Variants in TMOD2 observed in about 807,000 individuals in gnomAD.
TMOD2 encodes the protein tropomodulin-2.
Under a neutral mutation model 39.9 loss-of-function variants are expected in TMOD2, and 22 were observed. The ratio of observed to expected loss-of-function variants is 0.55; its 90% CI spans 0.39 to 0.79. The LOEUF (loss-of-function observed/expected upper bound fraction) is 0.79, where lower values mean the gene tolerates loss of function less well. Among genes scored for constraint, TMOD2 ranks in the 30% least tolerant of loss-of-function variants. The pLI is 0.00. For synonymous variants in TMOD2, 123 were observed against 146.1 expected (o/e 0.84, Z 1.14); for missense variants, 386 against 413.3 (o/e 0.93, Z 0.57).
Position 51,806,103 on chromosome 15 carries a change from T to G in TMOD2, c.877-274T>G, listed in dbSNP as rs139905589. Among the ~76,000 whole-genome samples, 720 of 152,382 alleles carry G rather than the reference T, an allele frequency of 4.7e-3. 9 individuals are homozygous for G. The highest frequency in any genetic ancestry group is 0.017 in the African/African-American group (689 of 41,586). On this transcript the variant is annotated intron_variant, in intron 8 of 9. Transcript: ENST00000249700. ...TTTTGCTTTCATTTTAATTCTGGAA[T>G]TATCCTTTCCTTCATAAACAATTTG...
At chr15:51,799,199 G>A (rs1337791163) in intron 8 of TMOD2, among the ~76,000 whole-genome samples, 1 of 152,184 alleles carries the variant, frequency 6.6e-6, no homozygotes, top group African/African-American at 2.4e-5. Flanking sequence ...GAAAAGAAAG[G>A]GCCTTGGAAA....
chr15:51,755,369 A>C (rs2055734898), intron 1 of TMOD2, among the ~76,000 whole-genome samples: 1 of 152,200 alleles, frequency 6.6e-6, no homozygotes, highest in Non-Finnish European at 1.5e-5. Flanking sequence ...CTGTTTTGGC[A>C]TCAAGGCTGC....
intron 5 of TMOD2, 107 bp downstream of exon 5, chr15:51,777,125 C>G (rs2055895187): frequency 1.1e-6 from 1 of 913,396 alleles, no homozygotes; most frequent in Non-Finnish European, 1.7e-6. Context: ...TGTCATTTTG[C>G]TAGGATCACT....
chr15:51,789,716 T>C (rs1248067065), intron 7 of TMOD2, among the ~76,000 whole-genome samples: 5 of 152,134 alleles, frequency 3.3e-5, no homozygotes, highest in Non-Finnish European at 7.4e-5. Flanking sequence ...CACTCAAAAC[T>C]GCACAACTAC....
intron 7 of TMOD2, among the ~76,000 whole-genome samples, chr15:51,790,663 A>C (rs1031512192): frequency 3.9e-5 from 6 of 152,220 alleles, no homozygotes; most frequent in Non-Finnish European, 7.3e-5. Context: ...ACTATGATCA[A>C]GTCGCCTTCA....
rs758043038 is a variant in TMOD2, at chr15:51,816,269, G to A, written c.*7815G>A. ...AATTAATTAAGATCTTTCTGCTTTC[G>A]AAGGTATAATGTATCTATTTCTGTC... On this transcript the variant is annotated 3_prime_UTR_variant, in exon 10 of 10. Coordinates refer to ENST00000249700, the MANE Select transcript of TMOD2 (RefSeq NM_014548.4). 2.0e-5 allele frequency: 3 copies of A among 152,168 alleles called. No individual in the cohort carries two copies. Among genetic ancestry groups the A allele is most frequent in the South Asian group, 2.1e-4 (1 of 4,832 alleles). The allele number at this position is 152,168 out of a possible 1,614,324, so 9.4% of individuals were successfully genotyped here.
intron 4 of TMOD2, among the ~76,000 whole-genome samples, chr15:51,776,117 C>A (rs536307387): frequency 1.5e-4 from 23 of 152,292 alleles, no homozygotes; most frequent in African/African-American, 5.5e-4. Context: ...TAGCTCTGAC[C>A]ATTTGCCCTT....
At chr15:51,759,461 G>A (rs564344176) in intron 1 of TMOD2, among the ~76,000 whole-genome samples, 1 of 152,284 alleles carries the variant, frequency 6.6e-6, no homozygotes, top group South Asian at 2.1e-4. Context: ...TATGTAGTAT[G>A]GAAATAGAAG....
At chr15:51,795,606 C>CTTTCTTTCT (rs1567245587) in intron 7 of TMOD2, among the ~76,000 whole-genome samples, 3 of 126,144 alleles carry the variant, frequency 2.4e-5, no homozygotes, top group African/African-American at 9.1e-5. Context: ...TTCTTTCTTT[C>CTTTCTTTCT]TTTCTTTCTT....
Position 51,811,017 on chromosome 15 carries a change from C to T in TMOD2, c.*2563C>T, listed in dbSNP as rs1322984748. Reference sequence around the variant, plus strand: ...TTTACCTTATGAAATAGTTGGGTTGCATGCAACAGAGTCTATGAAATCAAA... The same window carrying T: ...TTTACCTTATGAAATAGTTGGGTTGTATGCAACAGAGTCTATGAAATCAAA... On this transcript the variant is annotated 3_prime_UTR_variant, in exon 10 of 10. Transcript: ENST00000249700. 3 of 152,176 alleles carry T rather than the reference C, an allele frequency of 2.0e-5. No individual in the cohort carries two copies. The highest frequency in any genetic ancestry group is 7.2e-5 in the African/African-American group (3 of 41,450). The allele number at this position is 152,176 out of a possible 1,614,324, so 9.4% of individuals were successfully genotyped here.
intron 1 of TMOD2, among the ~76,000 whole-genome samples, chr15:51,757,271 G>A (rs1230202717): frequency 2.0e-5 from 3 of 151,768 alleles, no homozygotes; most frequent in Admixed American, 6.6e-5. Context: ...GCGTGGTGGC[G>A]GGCACCTGTA....
At chr15:51,763,544 A>G (rs1196133620) in intron 1 of TMOD2, among the ~76,000 whole-genome samples, 2 of 152,236 alleles carry the variant, frequency 1.3e-5, no homozygotes, top group Non-Finnish European at 2.9e-5. Context: ...AACTAAAACT[A>G]AAAGCCATTG....
chr15:51,806,244 C>A, intron 8 of TMOD2, 133 bp from the exon 9 acceptor site: 1 of 942,480 alleles, frequency 1.1e-6, no homozygotes, highest in Non-Finnish European at 1.6e-6. Flanking sequence ...TCAAGTGACG[C>A]TGTCCCTTTC....
intron 1 of TMOD2, among the ~76,000 whole-genome samples, chr15:51,764,311 T>TGGA (rs1237674723): frequency 2.4e-4 from 37 of 152,272 alleles, no homozygotes; most frequent in African/African-American, 8.9e-4. Context: ...AGGGAGACCC[T>TGGA]ATCTCTAAAT....
At chr15:51,804,554 C>CGTTTT (rs1203836873) in intron 8 of TMOD2, among the ~76,000 whole-genome samples, 68 of 150,484 alleles carry the variant, frequency 4.5e-4, no homozygotes, top group Admixed American at 1.4e-3. Context: ...CAAGCCTGTA[C>CGTTTT]GTTTTGTTTT....
At chr15:51,807,932 A>T (rs1448730711) in intron 9 of TMOD2, among the ~76,000 whole-genome samples, 2 of 152,186 alleles carry the variant, frequency 1.3e-5, no homozygotes, top group East Asian at 3.8e-4. Flanking sequence ...TTGCCAAGTG[A>T]ATCACACCTT....
At chr15:51,772,502 A>G (rs1010858921) in intron 3 of TMOD2, among the ~76,000 whole-genome samples, 1 of 152,164 alleles carries the variant, frequency 6.6e-6, no homozygotes, top group Non-Finnish European at 1.5e-5. Flanking sequence ...TCATCAGTCC[A>G]GAAGTTTGAG....
chr15:51,763,900 T>A (rs1474649148), intron 1 of TMOD2, among the ~76,000 whole-genome samples: 1 of 152,188 alleles, frequency 6.6e-6, no homozygotes, highest in African/African-American at 2.4e-5. Context: ...TAGAATCCAT[T>A]AAGTAGGGTG....
At chr15:51,768,241 C>T in intron 2 of TMOD2, 21 bp from the exon 3 acceptor site, 1 of 1,613,912 alleles carries the variant, frequency 6.2e-7, no homozygotes, top group South Asian at 1.1e-5. Flanking sequence ...TTCCTTCCTG[C>T]TCACACCTCT....
Sources: allele counts gnomAD v4.1 joint callset (sites outside exome capture counted in the v4.1 genomes callset), GRCh38; gene constraint gnomAD v4.1.1; transcripts MANE v1.5; gene names NCBI Gene and HGNC (gene_info 2026-07-23, HGNC 2026-07-21).